BNC2: variants seen among roughly 807,000 people sequenced by gnomAD.
BNC2 encodes the protein zinc finger protein basonuclin-2.
Under a neutral mutation model 76.3 loss-of-function variants are expected in BNC2, and 20 were observed. The observed-to-expected ratio is 0.26, with a 90% CI of 0.18 to 0.38. The LOEUF (loss-of-function observed/expected upper bound fraction) is 0.38. BNC2 is among the 10% of genes least tolerant of loss of function. The probability of loss-of-function intolerance (pLI) is 1.00; values close to 1 mark genes in which losing one functional copy is unlikely to be tolerated. For synonymous variants in BNC2, 582 were observed against 514.8 expected, an observed-to-expected ratio of 1.13 and a Z score of -1.77; for missense variants, 1,382 against 1,399.8, an observed-to-expected ratio of 0.99 and a Z score of 0.20.
At chr9:16,667,472 G>C (rs1822334257) in intron 3 of BNC2, among the ~76,000 whole-genome samples, 1 of 152,162 alleles carries the variant, frequency 6.6e-6, no homozygotes, top group South Asian at 2.1e-4. Flanking sequence ...TCTCCACTTA[G>C]TGCCAAATGT....
At chr9:16,505,203 G>T (rs1190590855) in intron 5 of BNC2, among the ~76,000 whole-genome samples, 1 of 152,184 alleles carries the variant, frequency 6.6e-6, no homozygotes, top group African/African-American at 2.4e-5. Context: ...AATTATAACT[G>T]TCAAGTCAGT....
intron 3 of BNC2, among the ~76,000 whole-genome samples, chr9:16,704,005 G>C (rs1823589365): frequency 6.6e-6 from 1 of 152,294 alleles, no homozygotes; most frequent in Admixed American, 6.5e-5. Context: ...AAATTGAAGA[G>C]AAATGCAGTC....
chr9:16,464,634 CTT>C (rs1334934137), intron 5 of BNC2, among the ~76,000 whole-genome samples: 1 of 152,092 alleles, frequency 6.6e-6, no homozygotes, highest in Non-Finnish European at 1.5e-5. Context: ...AAAGAACAGT[CTT>C]TAATTTTTGT....
At chr9:16,586,369 A>T (rs1229762959) in intron 3 of BNC2, among the ~76,000 whole-genome samples, 1 of 152,208 alleles carries the variant, frequency 6.6e-6, no homozygotes, top group Non-Finnish European at 1.5e-5. Flanking sequence ...GCACCCAGCA[A>T]CCAGTGCTCC....
intron 3 of BNC2, among the ~76,000 whole-genome samples, chr9:16,714,675 C>T (rs1823947301): frequency 6.6e-6 from 1 of 152,200 alleles, no homozygotes; most frequent in South Asian, 2.1e-4. Flanking sequence ...TTCAGTGATG[C>T]TGTTAAACAA....
chr9:16,677,578 A>AACACACACACACACACACAC (rs57587457), intron 3 of BNC2, among the ~76,000 whole-genome samples: 7,645 of 139,168 alleles, frequency 0.055, 278 homozygotes, highest in Middle Eastern at 0.1. Context: ...GTCTCAAACA[A>AACACACACACACACACACAC]ACACACACAC....
At chr9:16,644,463 G>A (rs2133882938) in intron 3 of BNC2, among the ~76,000 whole-genome samples, 1 of 152,144 alleles carries the variant, frequency 6.6e-6, no homozygotes, top group East Asian at 1.9e-4. Context: ...TAATCATGAT[G>A]ACTATTAATA....
intron 3 of BNC2, among the ~76,000 whole-genome samples, chr9:16,724,366 TTTTTG>T (rs1824252085): frequency 6.6e-6 from 1 of 152,104 alleles, no homozygotes; most frequent in South Asian, 2.1e-4. Flanking sequence ...CAAGCCTCAT[TTTTTG>T]CTTTTAACAG....
chr9:16,756,546 G>C lies in BNC2; in HGVS notation c.4-18061C>G, dbSNP rs79544177. ...TTCCAAAATCATTTAAGAGGACCCT[G>C]TAAGATTTGATCTCTGCCAACCTAA... On this transcript the variant is annotated intron_variant, in intron 1 of 6. Transcript: ENST00000380672. Among the ~76,000 whole-genome samples, 893 of 152,278 alleles carry C rather than the reference G, an allele frequency of 5.9e-3. 13 individuals are homozygous for C. Among genetic ancestry groups the C allele is most frequent in the African/African-American group, 0.019 (797 of 41,560 alleles).
At position 16,682,083 on chromosome 9, in the gene BNC2, T is replaced by C. The variant is rs1822841323; in HGVS notation, c.330+45714A>G. Reference sequence around the variant, plus strand: ...TTTGGGGGGATGTTGTGGATGTATCTGTGAAGGAAACAACCTTTTTTTAAA... The same window carrying C: ...TTTGGGGGGATGTTGTGGATGTATCCGTGAAGGAAACAACCTTTTTTTAAA... On this transcript the variant is annotated intron_variant, in intron 3 of 6. Transcript: ENST00000380672. 2.0e-5 allele frequency among the ~76,000 whole-genome samples: 3 copies of C among 151,996 alleles called. 1 individual carries two copies. The South Asian group carries it at 6.2e-4, about 32-fold the overall frequency.
intron 3 of BNC2, among the ~76,000 whole-genome samples, chr9:16,714,194 C>T (rs1035025950): frequency 9.2e-5 from 14 of 152,152 alleles, no homozygotes; most frequent in Non-Finnish European, 1.6e-4. Context: ...AGTTTAAACA[C>T]GGCAGAGGAG....
At chr9:16,438,936 T>G (rs914752157) in intron 5 of BNC2, among the ~76,000 whole-genome samples, 3 of 152,130 alleles carry the variant, frequency 2.0e-5, no homozygotes, top group African/African-American at 7.2e-5. Context: ...TCTTGAATTG[T>G]AGCTCCCATA....
At chr9:16,527,331 G>C (rs1817835856) in intron 5 of BNC2, among the ~76,000 whole-genome samples, 1 of 152,162 alleles carries the variant, frequency 6.6e-6, no homozygotes, top group Non-Finnish European at 1.5e-5. Flanking sequence ...AAAGAGACAG[G>C]AAAGTTTATT....
At chr9:16,633,423 T>G (rs1340834282) in intron 3 of BNC2, among the ~76,000 whole-genome samples, 1 of 152,220 alleles carries the variant, frequency 6.6e-6, no homozygotes. Flanking sequence ...AGCCTACTGT[T>G]ACAATAACTA....
chr9:16,667,632 G>T (rs1018660743), intron 3 of BNC2, among the ~76,000 whole-genome samples: 1 of 152,036 alleles, frequency 6.6e-6, no homozygotes, highest in Non-Finnish European at 1.5e-5. Flanking sequence ...TTTCTTTCTA[G>T]CATAAATTAT....
intron 3 of BNC2, among the ~76,000 whole-genome samples, chr9:16,718,704 T>C (rs1387782639): frequency 6.6e-6 from 1 of 152,186 alleles, no homozygotes; most frequent in African/African-American, 2.4e-5. Context: ...AAAAAGGCTA[T>C]ATAGATAGCA....
intron 1 of BNC2, among the ~76,000 whole-genome samples, chr9:16,818,012 C>T (rs566878769): frequency 9.2e-5 from 14 of 152,030 alleles, no homozygotes; most frequent in Non-Finnish European, 1.8e-4. Flanking sequence ...ATAGAAAAGG[C>T]AGGACTGGGG....
At chr9:16,570,439 A>G (rs1738626024) in intron 4 of BNC2, among the ~76,000 whole-genome samples, 1 of 152,176 alleles carries the variant, frequency 6.6e-6, no homozygotes, top group Non-Finnish European at 1.5e-5. Flanking sequence ...AGGCTATCAC[A>G]CACACTTTTG....
At chr9:16,823,090 T>C (rs561439538) in intron 1 of BNC2, among the ~76,000 whole-genome samples, 2 of 152,310 alleles carry the variant, frequency 1.3e-5, no homozygotes, top group South Asian at 2.1e-4. Flanking sequence ...GTCTTCTTCA[T>C]ACTAGGAAAT....
Sources: gnomAD v4.1 joint callset for allele counts (sites outside exome capture counted in the v4.1 genomes callset) on GRCh38, gnomAD v4.1.1 for gene constraint, MANE v1.5 for transcripts, NCBI Gene and HGNC (gene_info 2026-07-23, HGNC 2026-07-21) for gene names.